DNAI7: variants seen among roughly 807,000 people sequenced by gnomAD.
DNAI7 encodes cancer susceptibility 1.
A neutral mutation model predicts 86.6 loss-of-function variants in DNAI7; 78 were observed. The observed-to-expected ratio is 0.90, with a 90% CI of 0.75 to 1.09. DNAI7 has a LOEUF of 1.09. Ranked by LOEUF, DNAI7 falls within the 50% of genes least tolerant of loss-of-function variation. The pLI is 0.00. For synonymous variants in DNAI7, 274 were observed against 273.0 expected, an observed-to-expected ratio of 1.00 and a Z score of -0.04; for missense variants, 753 against 810.2, an observed-to-expected ratio of 0.93 and a Z score of 0.86.
chr12:25,161,378 A>G (rs998252708), intron 2 of DNAI7, among the ~76,000 whole-genome samples, 181 bp from the exon 3 acceptor site: 5 of 152,214 alleles, frequency 3.3e-5, no homozygotes, highest in African/African-American at 1.2e-4. Flanking sequence ...CTGAAGGACA[A>G]AGTCTGGGAA....
chr12:25,111,763 C>A lies in DNAI7; in HGVS notation c.1779+9G>T. On this transcript the variant is annotated intron_variant, in intron 14 of 15. Transcript: ENST00000395987. The stretch of plus-strand genomic sequence containing the variant: ...ACGCCACATTAAATTTGGAAAGATT[C>A]ATTCTTGCCTTATTGTTTATAATAA... 2.0e-6 allele frequency: 3 copies of A among 1,538,046 alleles called. No individual in the cohort carries two copies. The highest frequency in any genetic ancestry group is 2.6e-5 in the South Asian group (2 of 77,350).
intron 2 of DNAI7, among the ~76,000 whole-genome samples, chr12:25,183,020 G>A (rs1949703828): frequency 6.6e-6 from 1 of 150,656 alleles, no homozygotes; most frequent in Non-Finnish European, 1.5e-5. Flanking sequence ...AGGAAAGAAG[G>A]AAAATGAGGT....
intron 9 of DNAI7, among the ~76,000 whole-genome samples, chr12:25,133,193 C>T (rs1366293096): frequency 4.1e-5 from 6 of 146,502 alleles, no homozygotes; most frequent in African/African-American, 1.3e-4. Flanking sequence ...AAGTGAGAAT[C>T]GAAATTTCTT....
At chr12:25,179,041 C>A (rs1032891132) in intron 2 of DNAI7, among the ~76,000 whole-genome samples, 3 of 151,926 alleles carry the variant, frequency 2.0e-5, no homozygotes, top group Non-Finnish European at 2.9e-5. Context: ...ACATATTTCC[C>A]TCTAAGTATT....
At chr12:25,134,057 T>C (rs776660153) in intron 9 of DNAI7, among the ~76,000 whole-genome samples, 2 of 152,168 alleles carry the variant, frequency 1.3e-5, no homozygotes, top group Non-Finnish European at 2.9e-5. Context: ...TGCAGTGGCA[T>C]GACCACTGCT....
downstream of DNAI7, chr12:25,107,874 T>A (rs1321532842): frequency 1.2e-6 from 2 of 1,614,200 alleles, no homozygotes; most frequent in Non-Finnish European, 1.7e-6. Flanking sequence ...GAAAGGCTAA[T>A]AAGGCCCTCT....
At chr12:25,154,224 G>T in intron 6 of DNAI7, 95 bp downstream of exon 6, 1 of 993,418 alleles carries the variant, frequency 1.0e-6, no homozygotes, top group Non-Finnish European at 1.5e-6. Flanking sequence ...AAGCAGTAGT[G>T]TTATTACTTG....
At chr12:25,193,571 T>C (rs532023985) in intron 1 of DNAI7, among the ~76,000 whole-genome samples, 3 of 152,326 alleles carry the variant, frequency 2.0e-5, no homozygotes, top group South Asian at 2.1e-4. Flanking sequence ...ACTAATACAG[T>C]AGATTTGGAG....
At chr12:25,127,289 T>TATA (rs1301924889) in intron 9 of DNAI7, among the ~76,000 whole-genome samples, 7 of 152,000 alleles carry the variant, frequency 4.6e-5, no homozygotes, top group Admixed American at 1.3e-4. Context: ...AAGCTTTATA[T>TATA]ATAATAATAA....
At chr12:25,124,985 G>C (rs1216206058) in intron 9 of DNAI7, among the ~76,000 whole-genome samples, 1 of 152,186 alleles carries the variant, frequency 6.6e-6, no homozygotes, top group African/African-American at 2.4e-5. Flanking sequence ...GTATTCCATG[G>C]TGGGTATGTA....
intron 1 of DNAI7, among the ~76,000 whole-genome samples, 160 bp from the exon 2 acceptor site, chr12:25,190,791 TC>T (rs1186033156): frequency 6.6e-6 from 1 of 152,170 alleles, no homozygotes; most frequent in Non-Finnish European, 1.5e-5. Context: ...TCTAAAATTA[TC>T]CCAAAATAAA....
rs1949483426 is a variant in DNAI7 at position 25,108,825 on chromosome 12, T to TCAAAAAAAAAAAAAAAAAAAAAAAAAA, written c.1894-3_1894-2insTTTTTTTTTTTTTTTTTTTTTTTTTTG. The TCAAAAAAAAAAAAAAAAAAAAAAAAAA allele has an allele frequency of 1.1e-5, 1 of 93,098 alleles. No homozygotes were observed. The highest frequency in any genetic ancestry group is 1.9e-5 in the Non-Finnish European group (1 of 52,204). 5.8% of individuals were successfully genotyped at this position (93,098 alleles called of 1,614,324 possible). On this transcript the variant is annotated splice_polypyrimidine_tract_variant and splice_region_variant and intron_variant, in intron 15 of 15. Transcript: ENST00000395987. ...TGCTTCAGTAAGGTGTTCCCTCACC[T>TCAAAAAAAAAAAAAAAAAAAAAAAAAA]AAAAAAAAAAAAAATTCAAGCAAGT... is the stretch of plus-strand genomic sequence containing the variant.
At chr12:25,110,764 T>A (rs1399075497) in intron 14 of DNAI7, among the ~76,000 whole-genome samples, 1 of 152,244 alleles carries the variant, frequency 6.6e-6, no homozygotes, top group African/African-American at 2.4e-5. Flanking sequence ...CCTTTTCTTT[T>A]TTTCCATAGC....
intron 2 of DNAI7, among the ~76,000 whole-genome samples, chr12:25,183,793 A>G (rs1949780913): frequency 6.6e-6 from 1 of 152,132 alleles, no homozygotes; most frequent in South Asian, 2.1e-4. Flanking sequence ...TTTTAACAAG[A>G]GTAATAGATC....
intron 14 of DNAI7, 112 bp downstream of exon 14, chr12:25,111,660 G>A (rs546028199): frequency 1.2e-5 from 6 of 480,328 alleles, no homozygotes; most frequent in Non-Finnish European, 1.8e-5. Flanking sequence ...TTATAATACT[G>A]TATAAATGAA....
intron 2 of DNAI7, among the ~76,000 whole-genome samples, chr12:25,190,091 T>C (rs566784218): frequency 2.0e-5 from 3 of 150,910 alleles, no homozygotes; most frequent in Non-Finnish European, 2.9e-5. Context: ...ATTTAAAGTA[T>C]AAATCTACAA....
chr12:25,141,210 A>G (rs1944150468), intron 9 of DNAI7, among the ~76,000 whole-genome samples: 1 of 152,196 alleles, frequency 6.6e-6, no homozygotes, highest in African/African-American at 2.4e-5. Context: ...TGATAAATAG[A>G]TGATACCTAA....
At chr12:25,147,476 A>ACCCCC (rs139493103) in intron 7 of DNAI7, among the ~76,000 whole-genome samples, 4,799 of 147,968 alleles carry the variant, frequency 0.032, 119 homozygotes, top group South Asian at 0.048. Context: ...ACATAATGAG[A>ACCCCC]CCACCCCCAT....
At chr12:25,110,388 A>G (rs1306124311) in intron 14 of DNAI7, 148 bp from the exon 15 acceptor site, 2 of 607,084 alleles carry the variant, frequency 3.3e-6, no homozygotes, top group Non-Finnish European at 5.9e-6. Context: ...AACACTGGGC[A>G]ATGGCTTTCC....
Sources: gnomAD v4.1 joint callset for allele counts (sites outside exome capture counted in the v4.1 genomes callset) on GRCh38, gnomAD v4.1.1 for gene constraint, MANE v1.5 for transcripts, NCBI Gene and HGNC (gene_info 2026-07-23, HGNC 2026-07-21) for gene names.